The following LAMA2 variants were observed in gnomAD, a reference collection of about 807,000 sequenced individuals.
LAMA2 encodes laminin subunit alpha 2.
In LAMA2, 269 loss-of-function variants were observed where a neutral mutation model predicts 364.8. The observed-to-expected ratio is 0.74, with a 90% CI of 0.67 to 0.82. The LOEUF (loss-of-function observed/expected upper bound fraction) is 0.82, where lower values mean the gene tolerates loss of function less well. LAMA2 is among the 40% of genes least tolerant of loss of function. The probability of loss-of-function intolerance (pLI) is 0.00; values close to 1 mark genes in which losing one functional copy is unlikely to be tolerated. For synonymous variants in LAMA2, 1,379 were observed against 1,370.6 expected (o/e 1.01, Z -0.14); for missense variants, 3,807 against 3,873.2 (o/e 0.98, Z 0.45).
At chr6:129,318,851 C>G (rs1297955733) in intron 27 of LAMA2, among the ~76,000 whole-genome samples, 1 of 152,176 alleles carries the variant, frequency 6.6e-6, no homozygotes, top group African/African-American at 2.4e-5. Context: ...TCCTTAAACT[C>G]CTGGAGGTAA....
chr6:129,190,667 G>GATATGAATT (rs1264781519), intron 11 of LAMA2, among the ~76,000 whole-genome samples: 6 of 152,148 alleles, frequency 3.9e-5, no homozygotes, highest in Non-Finnish European at 8.8e-5. Flanking sequence ...ACTACATTGT[G>GATATGAATT]ATATGAATTA....
At chr6:129,490,836 T>G (rs1784823521) in intron 56 of LAMA2, 1 of 152,198 alleles carries the variant, frequency 6.6e-6, no homozygotes, top group Non-Finnish European at 1.5e-5. Context: ...AACTAAATTT[T>G]ACCGGTCCCT....
At chr6:129,031,193 T>C (rs1260516651) in intron 1 of LAMA2, among the ~76,000 whole-genome samples, 1 of 152,168 alleles carries the variant, frequency 6.6e-6, no homozygotes, top group Non-Finnish European at 1.5e-5. Context: ...GTGAAAAAAA[T>C]TTGTCTATAA....
At chr6:128,933,453 T>C (rs1335327199) in intron 1 of LAMA2, among the ~76,000 whole-genome samples, 3 of 152,206 alleles carry the variant, frequency 2.0e-5, no homozygotes, top group Non-Finnish European at 4.4e-5. Flanking sequence ...TGCTGGGTCA[T>C]ATTGTAGTAC....
chr6:129,005,983 A>G (rs895870518), intron 1 of LAMA2, among the ~76,000 whole-genome samples: 1 of 151,668 alleles, frequency 6.6e-6, no homozygotes, highest in African/African-American at 2.4e-5. Flanking sequence ...TCTGTTTGAG[A>G]CTGTGTTTTT....
At chr6:128,957,567 G>A (rs563852544) in intron 1 of LAMA2, among the ~76,000 whole-genome samples, 2 of 152,042 alleles carry the variant, frequency 1.3e-5, no homozygotes, top group Non-Finnish European at 2.9e-5. Context: ...TCTTGAAGTC[G>A]TGCTTATTAC....
At chr6:129,172,347 G>T (rs1740015315) in intron 9 of LAMA2, among the ~76,000 whole-genome samples, 1 of 152,154 alleles carries the variant, frequency 6.6e-6, no homozygotes, top group Non-Finnish European at 1.5e-5. Context: ...GTACAGATGG[G>T]TTTTTCGTGT....
At chr6:129,508,169 G>A (rs944845417) in intron 62 of LAMA2, among the ~76,000 whole-genome samples, 22 of 152,174 alleles carry the variant, frequency 1.4e-4, no homozygotes, top group Non-Finnish European at 2.9e-4. Context: ...CACTGGTCAT[G>A]AAGGTACAGT....
intron 12 of LAMA2, among the ~76,000 whole-genome samples, chr6:129,218,213 A>G (rs1783553365): frequency 6.6e-6 from 1 of 152,166 alleles, no homozygotes; most frequent in African/African-American, 2.4e-5. Flanking sequence ...ATCTCAGTGT[A>G]TTGTGAAAAT....
chr6:129,204,644 T>C (rs923842905), intron 12 of LAMA2, among the ~76,000 whole-genome samples: 35 of 152,188 alleles, frequency 2.3e-4, no homozygotes, highest in African/African-American at 7.7e-4. Flanking sequence ...ACTTGTAGCC[T>C]CTAGAACTGT....
rs529373501 is a variant in LAMA2, at chr6:129,031,794, A to T, written c.113-18124A>T. Among the ~76,000 whole-genome samples the T allele has an allele frequency of 8.6e-4, 131 of 151,604 alleles. 2 individuals carry two copies. In the South Asian group the frequency reaches 0.026, roughly 30 times the overall value. On this transcript the variant is annotated intron_variant, in intron 1 of 64. Transcript: ENST00000421865. ...TGTCTCCAGAACAGGCACACAATTT[A>T]TGTACTAAATCCTGATATGAATTTC...
intron 1 of LAMA2, among the ~76,000 whole-genome samples, chr6:128,935,287 C>T (rs1443041855): frequency 7.2e-6 from 1 of 139,700 alleles, no homozygotes; most frequent in Non-Finnish European, 1.5e-5. Flanking sequence ...CATTGTTCAA[C>T]TCCCACTTAT....
intron 9 of LAMA2, among the ~76,000 whole-genome samples, chr6:129,170,398 T>G (rs1404127556): frequency 1.5e-4 from 21 of 143,604 alleles, no homozygotes; most frequent in African/African-American, 3.2e-4. Flanking sequence ...ACATCTTTAT[T>G]TCTGCCTTCA....
chr6:128,974,400 A>T (rs1039617291), intron 1 of LAMA2, among the ~76,000 whole-genome samples: 8 of 152,236 alleles, frequency 5.3e-5, no homozygotes, highest in African/African-American at 1.4e-4. Flanking sequence ...ACTCAGACCT[A>T]TTAGAGTATC....
At chr6:129,275,048 G>T (rs770422963) in intron 17 of LAMA2, among the ~76,000 whole-genome samples, 5 of 151,806 alleles carry the variant, frequency 3.3e-5, no homozygotes, top group Non-Finnish European at 5.9e-5. Flanking sequence ...GGTTTGTGTG[G>T]GTCAGGAATG....
At chr6:128,940,241 T>C (rs900585367) in intron 1 of LAMA2, among the ~76,000 whole-genome samples, 2 of 152,124 alleles carry the variant, frequency 1.3e-5, no homozygotes, top group African/African-American at 4.8e-5. Flanking sequence ...TATTACTTCC[T>C]TAGGGGAATC....
intron 41 of LAMA2, among the ~76,000 whole-genome samples, chr6:129,433,673 T>C (rs1370685685): frequency 2.0e-5 from 3 of 152,164 alleles, no homozygotes; most frequent in Non-Finnish European, 4.4e-5. Flanking sequence ...ATCGTCCCGA[T>C]ATTTAGTTGA....
chr6:129,110,755 C>T (rs1776113304), intron 4 of LAMA2, among the ~76,000 whole-genome samples: 2 of 151,968 alleles, frequency 1.3e-5, no homozygotes, highest in African/African-American at 4.8e-5. Flanking sequence ...GATGGCAAAC[C>T]TTATAATCAT....
intron 1 of LAMA2, among the ~76,000 whole-genome samples, chr6:128,905,031 T>C (rs567219658): frequency 1.3e-5 from 2 of 152,320 alleles, no homozygotes; most frequent in Non-Finnish European, 2.9e-5. Flanking sequence ...TTTTATAATT[T>C]TAGTCGGATA....
Sources: gnomAD v4.1 joint callset for allele counts (sites outside exome capture counted in the v4.1 genomes callset) on GRCh38, gnomAD v4.1.1 for gene constraint, MANE v1.5 for transcripts, NCBI Gene and HGNC (gene_info 2026-07-23, HGNC 2026-07-21) for gene names.